TIAM1: variants seen among roughly 807,000 people sequenced by gnomAD.
The protein encoded by TIAM1 is rho guanine nucleotide exchange factor TIAM1.
A neutral mutation model predicts 163.5 loss-of-function variants in TIAM1; 65 were observed. That is an observed-to-expected ratio of 0.40 (90% CI 0.33 to 0.49). The LOEUF (loss-of-function observed/expected upper bound fraction) is 0.49. TIAM1 is among the 20% of genes least tolerant of loss of function. The probability of loss-of-function intolerance (pLI) is 0.77; values close to 1 mark genes in which losing one functional copy is unlikely to be tolerated. For synonymous variants in TIAM1, 833 were observed against 810.1 expected (o/e 1.03, Z -0.48); for missense variants, 1,789 against 2,044.7 (o/e 0.87, Z 2.41).
chr21:31,146,983 C>T lies in TIAM1; in HGVS notation c.3387G>A (p.Gly1129=), dbSNP rs769872878. The change falls in exon 20 of 28, where the codon GGG becomes GGA. Residue 1129 remains glycine, a synonymous_variant. Coordinates refer to ENST00000541036, the MANE Select transcript of TIAM1 (RefSeq NM_001353694.2). ...GGTCAGCATAATACAGGAATGATCC[C>T]CCCAGAGAGAACAGCACTTTCTGGA... ...DQFKKVLFSL[G]GSFLYYADRF... The T allele has an allele frequency of 2.2e-5, 35 of 1,613,926 alleles. No individual in the cohort carries two copies. In the Middle Eastern group the frequency reaches 1.3e-3, roughly 61 times the overall value.
rs35338359 is a variant in TIAM1, at chr21:31,512,617, C to CTT, written c.-422+46308_-422+46309dup. On this transcript the variant is annotated intron_variant, in intron 1 of 28. Transcript: ENST00000286827. ...GTCCTGTCTTTTTCTTTTTTCTTTT[C>CTT]TTTTTTTTTTTTTTTTTTGAGACAG... Among the ~76,000 whole-genome samples, 324 of 121,744 alleles carry CTT rather than the reference C, an allele frequency of 2.7e-3. 4 individuals carry two copies. Among genetic ancestry groups the CTT allele is most frequent in the African/African-American group, 7.4e-3 (228 of 30,814 alleles). The allele number at this position is 121,744 out of a possible 152,430, so 79.9% of individuals were successfully genotyped here.
chr21:31,132,535 T>C (rs2146241424), intron 23 of TIAM1, among the ~76,000 whole-genome samples: 1 of 152,218 alleles, frequency 6.6e-6, no homozygotes. Context: ...CTAGGTCCTC[T>C]TAGAAATGAA....
chr21:31,169,314 A>ATAC (rs1289191621), intron 15 of TIAM1, among the ~76,000 whole-genome samples: 2 of 138,066 alleles, frequency 1.4e-5, no homozygotes, highest in African/African-American at 4.9e-5. Context: ...AATAATAATA[A>ATAC]TACTAAAACA....
chr21:31,251,684 A>T, intron 5 of TIAM1, 58 bp downstream of exon 5: 1 of 1,497,778 alleles, frequency 6.7e-7, no homozygotes, highest in South Asian at 1.3e-5. Context: ...GAGTATGTGC[A>T]CAACGGGGCA....
At chr21:31,123,190 G>A (rs999538537) in intron 27 of TIAM1, among the ~76,000 whole-genome samples, 4 of 152,220 alleles carry the variant, frequency 2.6e-5, no homozygotes, top group Non-Finnish European at 2.9e-5. Flanking sequence ...TAGTTTCAAA[G>A]TAAATGCAGC....
At chr21:31,538,417 C>T (rs1163614654) in intron 1 of TIAM1, among the ~76,000 whole-genome samples, 1 of 152,128 alleles carries the variant, frequency 6.6e-6, no homozygotes, top group African/African-American at 2.4e-5. Flanking sequence ...ATGGCATGCG[C>T]CTGTAGTCTC....
intron 2 of TIAM1, among the ~76,000 whole-genome samples, chr21:31,463,638 C>T (rs545905473): frequency 3.7e-4 from 56 of 151,942 alleles, no homozygotes; most frequent in African/African-American, 1.1e-3. Flanking sequence ...GCCAACATGA[C>T]GAGACCTCAT....
intron 4 of TIAM1, among the ~76,000 whole-genome samples, chr21:31,253,130 T>G (rs1313207191): frequency 6.6e-6 from 1 of 152,202 alleles, no homozygotes; most frequent in East Asian, 1.9e-4. Flanking sequence ...CCATAAACAA[T>G]AATTAAATAA....
At chr21:31,301,663 A>G (rs1456375312) in intron 2 of TIAM1, among the ~76,000 whole-genome samples, 1 of 152,240 alleles carries the variant, frequency 6.6e-6, no homozygotes, top group South Asian at 2.1e-4. Context: ...AACATGGCGA[A>G]ACCCCCTCTT....
rs934729983 is a variant in TIAM1, at chr21:31,141,541, G to A, written c.3476-37C>T. The A allele has an allele frequency of 6.3e-6, 10 of 1,596,592 alleles. No homozygotes were observed. The highest frequency in any genetic ancestry group is 4.5e-5 in the East Asian group (2 of 44,796). Reference sequence around the variant, plus strand: ...TAAACACAGGTCATGGGGGTGGAACGCCCACGTGACTCCCTTCCCACAATT... The same window carrying A: ...TAAACACAGGTCATGGGGGTGGAACACCCACGTGACTCCCTTCCCACAATT... On this transcript the variant is annotated intron_variant, in intron 20 of 27. Transcript: ENST00000541036. The surrounding 1 kb of genome is among the most constrained non-coding windows in gnomAD (Gnocchi z 4.7).
intron 15 of TIAM1, among the ~76,000 whole-genome samples, chr21:31,171,040 A>C (rs966255631): frequency 6.0e-5 from 9 of 149,284 alleles, no homozygotes; most frequent in African/African-American, 2.2e-4. Flanking sequence ...CATCTCAAAA[A>C]AAAAAAAAAA....
chr21:31,244,214 T>C (rs1459888954), intron 6 of TIAM1, among the ~76,000 whole-genome samples: 1 of 152,244 alleles, frequency 6.6e-6, no homozygotes, highest in Non-Finnish European at 1.5e-5. Context: ...ATTGTCCAAA[T>C]AGAAACAGCT....
chr21:31,232,930 G>GT (rs2088522355), intron 6 of TIAM1, among the ~76,000 whole-genome samples: 1 of 151,842 alleles, frequency 6.6e-6, no homozygotes, highest in Non-Finnish European at 1.5e-5. Flanking sequence ...GTTCGGTGAA[G>GT]GGAATAAGCA....
intron 1 of TIAM1, among the ~76,000 whole-genome samples, chr21:31,472,678 C>T (rs1254538178): frequency 6.6e-6 from 1 of 152,202 alleles, no homozygotes; most frequent in African/African-American, 2.4e-5. Context: ...GCCCATGAGC[C>T]TACTACTACA....
At chr21:31,347,735 C>T (rs2076170823), upstream of TIAM1, among the ~76,000 whole-genome samples, 1 of 152,166 alleles carries the variant, frequency 6.6e-6, no homozygotes, top group Non-Finnish European at 1.5e-5. Context: ...AAGATGCATG[C>T]ACGGACGTTC....
chr21:31,279,051 T>A (rs1008002063), intron 2 of TIAM1, among the ~76,000 whole-genome samples: 3 of 152,130 alleles, frequency 2.0e-5, no homozygotes, highest in African/African-American at 4.8e-5. Flanking sequence ...TTCTATACTT[T>A]AAAAAAATTA....
At chr21:31,382,744 C>CA (rs1346823649) in intron 2 of TIAM1, among the ~76,000 whole-genome samples, 1 of 152,006 alleles carries the variant, frequency 6.6e-6, no homozygotes, top group Non-Finnish European at 1.5e-5. Flanking sequence ...GTCTTTGCTA[C>CA]AAAAAACACG....
intron 6 of TIAM1, among the ~76,000 whole-genome samples, chr21:31,232,867 G>T (rs1361725527): frequency 6.6e-6 from 1 of 151,842 alleles, no homozygotes; most frequent in Non-Finnish European, 1.5e-5. Context: ...AAGAGAGAGG[G>T]AATTCTGTGA....
Position 31,189,574 on chromosome 21 carries a change from A to T in TIAM1, c.2576-2487T>A, listed in dbSNP as rs529458155. 1.1e-4 allele frequency among the ~76,000 whole-genome samples: 16 copies of T among 152,302 alleles called. No homozygotes were observed. In the East Asian group the frequency reaches 1.4e-3, roughly 13 times the overall value. On this transcript the variant is annotated intron_variant, in intron 13 of 27. Coordinates refer to ENST00000541036, the MANE Select transcript of TIAM1 (RefSeq NM_001353694.2). Reference sequence around the variant, plus strand: ...ATGGGCATAAGTTCCTTCTTTGAAGATCACCCAAATGAAAGCCAAAAATTT... The same window carrying T: ...ATGGGCATAAGTTCCTTCTTTGAAGTTCACCCAAATGAAAGCCAAAAATTT...
Sources: allele counts gnomAD v4.1 joint callset (sites outside exome capture counted in the v4.1 genomes callset), GRCh38; gene constraint gnomAD v4.1.1; non-coding constraint Gnocchi (gnomAD v3.1); transcripts MANE v1.5; gene names NCBI Gene and HGNC (gene_info 2026-07-23, HGNC 2026-07-21).